Variants in MAPK4 observed in about 807,000 individuals in gnomAD.
MAPK4 encodes mitogen-activated protein kinase 4.
A neutral mutation model predicts 47.7 loss-of-function variants in MAPK4; 22 were observed. That is an observed-to-expected ratio of 0.46 (90% confidence interval 0.33 to 0.66). The LOEUF (loss-of-function observed/expected upper bound fraction) is 0.66, where lower values mean the gene tolerates loss of function less well. Ranked by LOEUF, MAPK4 falls within the 30% of genes least tolerant of loss-of-function variation. The pLI is 0.02. For missense variants in MAPK4, 736 were observed against 831.7 expected (o/e 0.88, Z 1.42); for synonymous variants, 390 against 365.7 (o/e 1.07, Z -0.76).
intron 2 of MAPK4, 28 bp from the exon 3 acceptor site, chr18:50,715,051 C>T: frequency 6.2e-7 from 1 of 1,610,282 alleles, no homozygotes. Context: ...AATGACTGAT[C>T]AGTGGAACCA....
chr18:50,586,585 G>GAA (rs1231973114), intron 1 of MAPK4, among the ~76,000 whole-genome samples: 131 of 151,938 alleles, frequency 8.6e-4, no homozygotes, highest in Non-Finnish European at 1.7e-3. Context: ...TGCAAATGTG[G>GAA]AGTAATAATG....
intron 1 of MAPK4, among the ~76,000 whole-genome samples, chr18:50,615,937 G>A (rs757997387): frequency 6.6e-6 from 1 of 152,174 alleles, no homozygotes; most frequent in Non-Finnish European, 1.5e-5. Context: ...AAACTAGTAA[G>A]GTGACCGAGC....
At chr18:50,621,638 C>T (rs1405960593) in intron 1 of MAPK4, among the ~76,000 whole-genome samples, 1 of 152,208 alleles carries the variant, frequency 6.6e-6, no homozygotes, top group Non-Finnish European at 1.5e-5. Flanking sequence ...TCAGCACAGA[C>T]AGGATCCCAG....
chr18:50,691,558 C>T (rs138447609), intron 2 of MAPK4, among the ~76,000 whole-genome samples: 1 of 152,294 alleles, frequency 6.6e-6, no homozygotes, highest in African/African-American at 2.4e-5. Flanking sequence ...ATTGTGTATA[C>T]CTACTCTGTG....
chr18:50,611,676 G>A (rs750730089), intron 1 of MAPK4, among the ~76,000 whole-genome samples: 58 of 152,312 alleles, frequency 3.8e-4, no homozygotes, highest in African/African-American at 1.1e-3. Context: ...ATTTAATGAC[G>A]TAGCGTTTGA....
Position 50,678,683 on chromosome 18 carries a change from C to A in MAPK4, c.546+14179C>A, listed in dbSNP as rs980389673. ...CCCAAAAATATATAAAATGAACAGG[C>A]CTTGGTCCCACAGCTGCCCCCACAC... is the stretch of plus-strand genomic sequence containing the variant. On this transcript the variant is annotated intron_variant, in intron 2 of 5. Transcript: ENST00000400384. This position sits in a 1 kb window ranked among gnomAD's most constrained non-coding sequence, Gnocchi z 4.2. Among the ~76,000 whole-genome samples, 6 of 152,150 alleles carry A rather than the reference C, an allele frequency of 3.9e-5. No individual in the cohort carries two copies. Among genetic ancestry groups the A allele is most frequent in the African/African-American group, 7.2e-5 (3 of 41,420 alleles).
At chr18:50,681,620 A>G (rs756907692) in intron 2 of MAPK4, among the ~76,000 whole-genome samples, 1 of 152,166 alleles carries the variant, frequency 6.6e-6, no homozygotes, top group Admixed American at 6.6e-5. Context: ...AGGGGGTCCA[A>G]CTTCATTCTT....
At chr18:50,708,301 ATGT>A (rs1910166296) in intron 2 of MAPK4, among the ~76,000 whole-genome samples, 1 of 152,126 alleles carries the variant, frequency 6.6e-6, no homozygotes, top group Admixed American at 6.5e-5. Context: ...CTCTGGGAGG[ATGT>A]TGTTCTTCTA....
chr18:50,656,220 A>G (rs1176522713), intron 1 of MAPK4, among the ~76,000 whole-genome samples: 1 of 152,184 alleles, frequency 6.6e-6, no homozygotes, highest in Non-Finnish European at 1.5e-5. Context: ...AACAACATTT[A>G]TTACCACGCA....
chr18:50,574,052 C>T (rs1376614441), intron 1 of MAPK4, among the ~76,000 whole-genome samples: 2 of 152,092 alleles, frequency 1.3e-5, no homozygotes, highest in Non-Finnish European at 2.9e-5. Flanking sequence ...TTCTTTTATC[C>T]CTGGTAAAAA....
At chr18:50,605,945 G>A (rs1175001546) in intron 1 of MAPK4, among the ~76,000 whole-genome samples, 1 of 151,976 alleles carries the variant, frequency 6.6e-6, no homozygotes, top group East Asian at 1.9e-4. Flanking sequence ...AGTCATGAGG[G>A]CAGACTCTGG....
At chr18:50,646,376 G>A (rs1186326189) in intron 1 of MAPK4, among the ~76,000 whole-genome samples, 3 of 152,128 alleles carry the variant, frequency 2.0e-5, no homozygotes, top group Non-Finnish European at 2.9e-5. Context: ...ACTTACCCTT[G>A]GCTGTTTTCT....
At chr18:50,572,499 C>A (rs1180393699) in intron 1 of MAPK4, among the ~76,000 whole-genome samples, 2 of 152,094 alleles carry the variant, frequency 1.3e-5, no homozygotes, top group East Asian at 1.9e-4. Flanking sequence ...TATGTCTATA[C>A]CTGCTGTCAT....
intron 1 of MAPK4, among the ~76,000 whole-genome samples, chr18:50,624,959 A>G (rs2042763902): frequency 2.0e-5 from 3 of 152,132 alleles, no homozygotes; most frequent in Admixed American, 6.5e-5. Flanking sequence ...TTGTCAAAAC[A>G]CAGGACCCAA....
chr18:50,695,074 G>A (rs1598921192), intron 2 of MAPK4, among the ~76,000 whole-genome samples: 2 of 152,138 alleles, frequency 1.3e-5, no homozygotes, highest in African/African-American at 2.4e-5. Flanking sequence ...GGCCAGGCAC[G>A]GTGGCTCACG....
chr18:50,687,770 T>C (rs1387019149), intron 2 of MAPK4, among the ~76,000 whole-genome samples: 1 of 152,078 alleles, frequency 6.6e-6, no homozygotes, highest in Non-Finnish European at 1.5e-5. Flanking sequence ...CAGAAATCCT[T>C]CTGGGCCACG....
At chr18:50,707,079 A>C (rs1910095785) in intron 2 of MAPK4, among the ~76,000 whole-genome samples, 1 of 152,208 alleles carries the variant, frequency 6.6e-6, no homozygotes, top group South Asian at 2.1e-4. Flanking sequence ...TTTAAAAGTA[A>C]GGAGAAGTAC....
chr18:50,698,718 A>G (rs1001275185), intron 2 of MAPK4, among the ~76,000 whole-genome samples: 1 of 152,330 alleles, frequency 6.6e-6, no homozygotes, highest in African/African-American at 2.4e-5. Flanking sequence ...AGCCCTGAAA[A>G]CAATATTGAC....
In MAPK4 at chr18:50,582,987, G is replaced by T. The variant is rs548238037; in HGVS notation, c.-871+22744G>T. Among the ~76,000 whole-genome samples, 9 of 152,330 alleles carry T rather than the reference G, an allele frequency of 5.9e-5. No individual in the cohort carries two copies. The South Asian group carries it at 8.3e-4, about 14-fold the overall frequency. ...TACAGCTCTCTTTCTACCATAGTCT[G>T]GTGAGTGAGAGCATGTCACAGCTCT... On this transcript the variant is annotated intron_variant, in intron 1 of 5. Transcript: ENST00000400384.
Sources: allele counts gnomAD v4.1 joint callset (sites outside exome capture counted in the v4.1 genomes callset), GRCh38; gene constraint gnomAD v4.1.1; non-coding constraint Gnocchi (gnomAD v3.1); transcripts MANE v1.5; gene names NCBI Gene and HGNC (gene_info 2026-07-23, HGNC 2026-07-21).